Variants in CTCF observed in about 807,000 individuals in gnomAD.
CTCF encodes transcriptional repressor CTCF.
In CTCF, 7 loss-of-function variants were observed where a neutral mutation model predicts 72.3. The observed-to-expected ratio is 0.10, with a 90% CI of 0.06 to 0.18. The LOEUF (loss-of-function observed/expected upper bound fraction) is 0.18, where lower values mean the gene tolerates loss of function less well. Among genes scored for constraint, CTCF ranks in the 10% least tolerant of loss-of-function variants. The probability of loss-of-function intolerance (pLI) is 1.00; values close to 1 mark genes in which losing one functional copy is unlikely to be tolerated. For synonymous variants in CTCF, 374 were observed against 315.8 expected, an observed-to-expected ratio of 1.18 and a Z score of -1.95; for missense variants, 516 against 949.1, an observed-to-expected ratio of 0.54 and a Z score of 6.00.
At chr16:67,576,851 C>A (rs2051504811) in intron 2 of CTCF, among the ~76,000 whole-genome samples, 1 of 151,756 alleles carries the variant, frequency 6.6e-6, no homozygotes, top group Non-Finnish European at 1.5e-5. Context: ...TGTTGTGTAG[C>A]CATTATGTAT....
chr16:67,587,714 A>AGG (rs2051686585), intron 2 of CTCF, among the ~76,000 whole-genome samples: 1 of 152,102 alleles, frequency 6.6e-6, no homozygotes. Flanking sequence ...GCTTGAGCCC[A>AGG]GGAGTTCAGG....
chr16:67,623,918 C>T (rs1046866326), intron 7 of CTCF, among the ~76,000 whole-genome samples: 1 of 151,638 alleles, frequency 6.6e-6, no homozygotes, highest in Non-Finnish European at 1.5e-5. Context: ...TGTGGTGGCA[C>T]ATGCCTGTAG....
chr16:67,625,412 C>T (rs995086108), intron 7 of CTCF, among the ~76,000 whole-genome samples: 1 of 152,210 alleles, frequency 6.6e-6, no homozygotes, highest in African/African-American at 2.4e-5. Context: ...GTTGGCCAGG[C>T]TGGTCTTGAA....
At chr16:67,636,604 C>A in intron 10 of CTCF, 86 bp from the exon 11 acceptor site, 3 of 632,062 alleles carry the variant, frequency 4.7e-6, no homozygotes, top group Non-Finnish European at 6.8e-6. Flanking sequence ...TAAAACAAGA[C>A]TTCAAATAAT....
intron 2 of CTCF, among the ~76,000 whole-genome samples, chr16:67,589,367 A>AT (rs2051708769): frequency 6.6e-6 from 1 of 152,182 alleles, no homozygotes; most frequent in South Asian, 2.1e-4. Context: ...ACTCAGTTAC[A>AT]TTAAATTTCT....
intron 2 of CTCF, among the ~76,000 whole-genome samples, chr16:67,603,900 G>A (rs908395353): frequency 1.3e-5 from 2 of 151,308 alleles, no homozygotes; most frequent in African/African-American, 2.4e-5. Context: ...AGGCTGAGGC[G>A]GGCAGATGAC....
chr16:67,586,337 C>G (rs2051668154), intron 2 of CTCF, among the ~76,000 whole-genome samples: 1 of 152,024 alleles, frequency 6.6e-6, no homozygotes, highest in Admixed American at 6.6e-5. Flanking sequence ...GAATTCGAGA[C>G]CAGCCTGGCC....
chr16:67,593,250 A>G (rs2051769988), intron 2 of CTCF, among the ~76,000 whole-genome samples: 1 of 151,798 alleles, frequency 6.6e-6, no homozygotes, highest in East Asian at 1.9e-4. Context: ...ACATGGGTAT[A>G]TTGTGTGATT....
At chr16:67,573,571 C>G (rs1206283806) in intron 2 of CTCF, among the ~76,000 whole-genome samples, 1 of 152,158 alleles carries the variant, frequency 6.6e-6, no homozygotes, top group African/African-American at 2.4e-5. Flanking sequence ...GGGAAGTTCT[C>G]TCTGTATAGG....
intron 2 of CTCF, among the ~76,000 whole-genome samples, chr16:67,609,591 C>G (rs757093971): frequency 7.3e-5 from 11 of 150,962 alleles, no homozygotes; most frequent in Non-Finnish European, 1.5e-4. Context: ...GTTTCTCAGC[C>G]TCAGTGCTCT....
chr16:67,567,472 G>A (rs1343088546), intron 1 of CTCF, among the ~76,000 whole-genome samples: 2 of 152,198 alleles, frequency 1.3e-5, no homozygotes, highest in Admixed American at 6.6e-5. Context: ...CTCAACAGAG[G>A]AGACTTTAGC....
chr16:67,628,725 A>G (rs1225662224), intron 9 of CTCF, among the ~76,000 whole-genome samples, 173 bp downstream of exon 9: 1 of 152,196 alleles, frequency 6.6e-6, no homozygotes, highest in Non-Finnish European at 1.5e-5. Context: ...GAACCCTTCC[A>G]CTGATGGGGA....
At chr16:67,586,037 A>C (rs762606528) in intron 2 of CTCF, among the ~76,000 whole-genome samples, 2 of 152,080 alleles carry the variant, frequency 1.3e-5, no homozygotes, top group African/African-American at 2.4e-5. Flanking sequence ...TTGCCTATAC[A>C]TGTTTGTTTC....
chr16:67,574,862 T>A (rs990425633), intron 2 of CTCF, among the ~76,000 whole-genome samples: 15 of 149,500 alleles, frequency 1.0e-4, no homozygotes, highest in African/African-American at 3.5e-4. Flanking sequence ...TTTCACCTTG[T>A]CAGCCAGGAT....
intron 2 of CTCF, among the ~76,000 whole-genome samples, chr16:67,589,871 A>G (rs780405268): frequency 6.6e-6 from 1 of 151,994 alleles, no homozygotes; most frequent in Non-Finnish European, 1.5e-5. Context: ...TGGATCACCT[A>G]AGGTCAGGAG....
chr16:67,567,261 C>G (rs189644280), intron 1 of CTCF, among the ~76,000 whole-genome samples: 84 of 152,314 alleles, frequency 5.5e-4, no homozygotes, highest in Non-Finnish European at 8.8e-4. Flanking sequence ...TGCATATAGA[C>G]TGCCAAAATA....
At chr16:67,602,243 A>G (rs2051902008) in intron 2 of CTCF, among the ~76,000 whole-genome samples, 1 of 152,190 alleles carries the variant, frequency 6.6e-6, no homozygotes, top group South Asian at 2.1e-4. Flanking sequence ...GTTGTCTTCA[A>G]GTTGTAGCAT....
At position 67,566,781 on chromosome 16, in the gene CTCF, G is replaced by A. The variant is rs139573794; in HGVS notation, c.-127+4057G>A. ...TTTTTAGTAGAGACGGGGTTTCACCGTGTTAGCAAGGATGGTTTCGATCTC... is the reference window on the plus strand; with the variant it reads ...TTTTTAGTAGAGACGGGGTTTCACCATGTTAGCAAGGATGGTTTCGATCTC... On this transcript the variant is annotated intron_variant, in intron 1 of 11. Transcript: ENST00000264010. Among the ~76,000 whole-genome samples the A allele has an allele frequency of 3.1e-4, 47 of 152,066 alleles. No homozygotes were observed. The East Asian group carries it at 8.8e-3, about 28-fold the overall frequency.
chr16:67,571,099 A>G (rs1438861766), intron 1 of CTCF, 49 bp from the exon 2 acceptor site: 2 of 152,160 alleles, frequency 1.3e-5, no homozygotes, highest in Non-Finnish European at 2.9e-5. Context: ...CTATATGCGT[A>G]TTTGTATGAA....
Sources: gnomAD v4.1 joint callset for allele counts (sites outside exome capture counted in the v4.1 genomes callset) on GRCh38, gnomAD v4.1.1 for gene constraint, MANE v1.5 for transcripts, NCBI Gene and HGNC (gene_info 2026-07-23, HGNC 2026-07-21) for gene names.